The following PIP4K2A variants were observed in gnomAD, a reference collection of about 807,000 sequenced individuals.
The protein encoded by PIP4K2A is phosphatidylinositol-5-phosphate 4-kinase type 2 alpha.
A neutral mutation model predicts 42.9 loss-of-function variants in PIP4K2A; 14 were observed. That is an observed-to-expected ratio of 0.33 (90% confidence interval 0.22 to 0.51). The LOEUF is 0.51. Among genes scored for constraint, PIP4K2A ranks in the 20% least tolerant of loss-of-function variants. The probability of loss-of-function intolerance (pLI) is 0.97; values close to 1 mark genes in which losing one functional copy is unlikely to be tolerated. For synonymous variants in PIP4K2A, 192 were observed against 192.2 expected (o/e 1.00, Z 0.01); for missense variants, 434 against 519.8 (o/e 0.83, Z 1.61).
intron 1 of PIP4K2A, among the ~76,000 whole-genome samples, chr10:22,695,204 TAACAA>T (rs1438302987): frequency 1.3e-5 from 2 of 152,238 alleles, no homozygotes; most frequent in Admixed American, 6.5e-5. Context: ...CAATAATTTT[TAACAA>T]AACAAGTTTT....
At chr10:22,565,079 TCTCCTGG>T (rs55944706) in intron 6 of PIP4K2A, among the ~76,000 whole-genome samples, 36,127 of 151,948 alleles carry the variant, frequency 0.24, 5,067 homozygotes, top group East Asian at 0.37. Context: ...TGACCCAGTG[TCTCCTGG>T]CTCCTGTAAA....
intron 5 of PIP4K2A, among the ~76,000 whole-genome samples, chr10:22,570,447 C>T (rs1836957842): frequency 6.6e-6 from 1 of 152,200 alleles, no homozygotes; most frequent in East Asian, 1.9e-4. Context: ...CTGGTGCTGG[C>T]AAGGGCCCTG....
At chr10:22,547,905 C>T (rs538342172) in intron 7 of PIP4K2A, among the ~76,000 whole-genome samples, 1 of 152,262 alleles carries the variant, frequency 6.6e-6, no homozygotes, top group South Asian at 2.1e-4. Flanking sequence ...GCTGCTGTTA[C>T]AGAAAAACAG....
At chr10:22,712,975 T>C (rs1833938914) in intron 1 of PIP4K2A, among the ~76,000 whole-genome samples, 1 of 151,908 alleles carries the variant, frequency 6.6e-6, no homozygotes, top group Non-Finnish European at 1.5e-5. Context: ...CCAGCATGGT[T>C]TTCTGTCATT....
At chr10:22,573,560 T>C (rs1588635020) in intron 4 of PIP4K2A, 103 bp from the exon 5 acceptor site, 25 of 930,624 alleles carry the variant, frequency 2.7e-5, no homozygotes, top group East Asian at 2.6e-5. Context: ...AGTGAAAACC[T>C]CCAGCCATTA....
chr10:22,623,055 G>A (rs913112355), intron 1 of PIP4K2A, among the ~76,000 whole-genome samples: 1 of 152,034 alleles, frequency 6.6e-6, no homozygotes, highest in African/African-American at 2.4e-5. Flanking sequence ...AGCAAACACC[G>A]GGGCAAATAA....
intron 3 of PIP4K2A, among the ~76,000 whole-genome samples, chr10:22,592,978 T>TA (rs915799123): frequency 6.6e-6 from 1 of 152,256 alleles, no homozygotes; most frequent in Non-Finnish European, 1.5e-5. Flanking sequence ...GGGCAGGTGA[T>TA]AGATAGCTCT....
chr10:22,684,464 A>G (rs1170435320), intron 1 of PIP4K2A, among the ~76,000 whole-genome samples: 2 of 152,154 alleles, frequency 1.3e-5, no homozygotes, highest in East Asian at 3.9e-4. Flanking sequence ...TATTCTTTGT[A>G]ATGCGCTTGT....
rs188715977 is a variant in PIP4K2A at position 22,541,828 on chromosome 10, C to G, written c.1012G>C (p.Val338Leu). The G allele has an allele frequency of 6.4e-7, 1 of 1,566,258 alleles. No individual in the cohort carries two copies. Among genetic ancestry groups the G allele is most frequent in the Non-Finnish European group, 8.6e-7 (1 of 1,158,004 alleles). ...APGEFDPNID[V>L]YGIKCHENSP... ...CTTTCATGGCACTTAATTCCATAGA[C>G]GTCGATGTTCGGATCGAACTCCCCG... is the stretch of plus-strand genomic sequence containing the variant. The change falls in exon 8 of 10, where the codon GTC (valine) becomes CTC (leucine). Residue 338 changes from valine (V) to leucine (L), a missense_variant. Val to Leu is a conservative substitution (Grantham distance 32). Around this residue, in one of 2 missense-constraint regions of PIP4K2A, gnomAD observed 395 missense variants for 444.5 expected, o/e 0.89. Transcript: ENST00000376573.
At chr10:22,616,571 G>A (rs1286574636) in intron 1 of PIP4K2A, among the ~76,000 whole-genome samples, 4 of 152,136 alleles carry the variant, frequency 2.6e-5, no homozygotes, top group African/African-American at 2.4e-5. Context: ...TGGACTGGCT[G>A]AGCCCAAGAT....
intron 4 of PIP4K2A, among the ~76,000 whole-genome samples, chr10:22,583,017 A>G (rs1837314079): frequency 6.6e-6 from 1 of 152,228 alleles, no homozygotes; most frequent in African/African-American, 2.4e-5. Flanking sequence ...TAAAAGGAAC[A>G]AGCATTCTTC....
chr10:22,653,012 C>T (rs189045667), intron 1 of PIP4K2A, among the ~76,000 whole-genome samples: 28 of 152,054 alleles, frequency 1.8e-4, no homozygotes, highest in East Asian at 1.7e-3. Flanking sequence ...GAGGATGGCT[C>T]GAGCCCGTAA....
intron 6 of PIP4K2A, among the ~76,000 whole-genome samples, chr10:22,555,800 G>A (rs974407004): frequency 1.3e-5 from 2 of 151,686 alleles, no homozygotes; most frequent in East Asian, 3.9e-4. Flanking sequence ...ATCTAAACCT[G>A]GGGGTCCAAT....
chr10:22,543,290 C>T (rs1006953588), intron 7 of PIP4K2A, among the ~76,000 whole-genome samples: 13 of 152,284 alleles, frequency 8.5e-5, no homozygotes, highest in Middle Eastern at 3.4e-3. Flanking sequence ...GCCAGCACCC[C>T]GCTCAGCCCA....
intron 1 of PIP4K2A, among the ~76,000 whole-genome samples, chr10:22,706,416 C>T (rs531133303): frequency 1.3e-5 from 2 of 152,330 alleles, no homozygotes; most frequent in African/African-American, 2.4e-5. Context: ...ACCAGCCTCA[C>T]GGCCTTTGCA....
Position 22,706,029 on chromosome 10 carries a change from C to T in PIP4K2A, c.144+8154G>A, listed in dbSNP as rs182478592. Among the ~76,000 whole-genome samples, 216 of 151,986 alleles carry T rather than the reference C, an allele frequency of 1.4e-3. 1 individual carries two copies. The highest frequency in any genetic ancestry group is 2.1e-3 in the Non-Finnish European group (146 of 68,000). On this transcript the variant is annotated intron_variant, in intron 1 of 9. Transcript: ENST00000376573. ...TGAACACCCAGCAAAAGGAGAAGCT[C>T]CTTATTTAAAATCATTAGGTCTCGT...
At chr10:22,647,823 C>A (rs1487362421) in intron 1 of PIP4K2A, among the ~76,000 whole-genome samples, 1 of 152,154 alleles carries the variant, frequency 6.6e-6, no homozygotes, top group Non-Finnish European at 1.5e-5. Flanking sequence ...ATGCAAGCGA[C>A]CCTTTGGGAT....
chr10:22,693,890 G>A (rs1258950149), intron 1 of PIP4K2A: 4 of 152,094 alleles, frequency 2.6e-5, no homozygotes, highest in African/African-American at 9.7e-5. Flanking sequence ...AAGAAATGAA[G>A]AGAGCATGAT....
At chr10:22,539,739 A>G (rs1030797890) in intron 9 of PIP4K2A, 2 of 519,752 alleles carry the variant, frequency 3.8e-6, no homozygotes, top group African/African-American at 3.8e-5. Flanking sequence ...GTGAGCAGTA[A>G]GCGTTTGTGG....
Sources: allele counts gnomAD v4.1 joint callset (sites outside exome capture counted in the v4.1 genomes callset), GRCh38; gene constraint gnomAD v4.1.1; regional missense constraint gnomAD v4.1.1; transcripts MANE v1.5; gene names NCBI Gene and HGNC (gene_info 2026-07-23, HGNC 2026-07-21).